The following CNOT1 variants were observed in gnomAD, a reference collection of about 807,000 sequenced individuals.
CNOT1 encodes CCR4-NOT transcription complex subunit 1.
In CNOT1, 15 loss-of-function variants were observed where a neutral mutation model predicts 273.8. That is an observed-to-expected ratio of 0.05 (90% confidence interval 0.04 to 0.08). The LOEUF (loss-of-function observed/expected upper bound fraction) is 0.08, where lower values mean the gene tolerates loss of function less well. Among genes scored for constraint, CNOT1 ranks in the 10% least tolerant of loss-of-function variants. The pLI is 1.00. For synonymous variants in CNOT1, 1,022 were observed against 1,005.5 expected (o/e 1.02, Z -0.31); for missense variants, 1,644 against 2,912.2 (o/e 0.56, Z 10.02).
intron 1 of CNOT1, among the ~76,000 whole-genome samples, chr16:58,627,761 T>C (rs1418615090): frequency 2.0e-5 from 3 of 152,166 alleles, no homozygotes; most frequent in Non-Finnish European, 4.4e-5. Context: ...CCTTAAAACT[T>C]CTAAGATTAC....
chr16:58,608,816 G>A (rs1378793809), intron 1 of CNOT1, among the ~76,000 whole-genome samples: 3 of 152,162 alleles, frequency 2.0e-5, no homozygotes, highest in Non-Finnish European at 2.9e-5. Context: ...CATTCGCAGC[G>A]ACCTGGATGA....
At position 58,613,415 on chromosome 16, in the gene CNOT1, G is replaced by A. The variant is rs1343860189; in HGVS notation, c.-174-13904C>T. Among the ~76,000 whole-genome samples, 3 of 124,458 alleles carry A rather than the reference G, an allele frequency of 2.4e-5. 1 individual carries two copies. The highest frequency in any genetic ancestry group is 8.1e-5 in the African/African-American group (3 of 37,014). 81.6% of individuals were successfully genotyped at this position (124,458 alleles called of 152,430 possible). ...ATAATTGTTTTAATACCAATTCTTG[G>A]TATCAATAAGCATCTCCACTCTCAC... On this transcript the variant is annotated intron_variant, in intron 1 of 48. Transcript: ENST00000317147.
At chr16:58,525,457 G>T in intron 45 of CNOT1, 98 bp from the exon 46 acceptor site, 1 of 993,628 alleles carries the variant, frequency 1.0e-6, no homozygotes. Flanking sequence ...TCATGGAAAG[G>T]CCAAACATTT....
At chr16:58,599,066 A>AAAAC in intron 2 of CNOT1, 170 bp downstream of exon 2, 1 of 807,118 alleles carries the variant, frequency 1.2e-6, no homozygotes, top group South Asian at 1.9e-5. Flanking sequence ...AAAAAAAAAA[A>AAAAC]AAAAGATTGG....
At chr16:58,555,087 G>T (rs2040588850) in intron 21 of CNOT1, among the ~76,000 whole-genome samples, 164 bp downstream of exon 21, 1 of 151,950 alleles carries the variant, frequency 6.6e-6, no homozygotes, top group South Asian at 2.1e-4. Context: ...ATGCACCTGT[G>T]GTCCCAGCTA....
rs1454784941 is a variant in CNOT1, at chr16:58,599,438, G to C, written c.-101C>G. The C allele has an allele frequency of 7.1e-7, 1 of 1,403,698 alleles. No homozygotes were observed. The highest frequency in any genetic ancestry group is 1.4e-5 in the African/African-American group (1 of 70,414). 87.0% of individuals were successfully genotyped at this position (1,403,698 alleles called of 1,614,324 possible). ...AGGTTAATGCTTTCTTTGTAATTAG[G>C]CTATATCTGGTATCTGTATAATATC... On this transcript the variant is annotated 5_prime_UTR_variant, in exon 2 of 49. Transcript: ENST00000317147.
At chr16:58,525,949 T>C (rs752619585) in intron 45 of CNOT1, 40 bp downstream of exon 45, 1 of 1,590,180 alleles carries the variant, frequency 6.3e-7, no homozygotes, top group Non-Finnish European at 8.6e-7. Context: ...AAGTGCTTTA[T>C]ATGGAAGACG....
chr16:58,593,605 A>G (rs2042142012), intron 2 of CNOT1, among the ~76,000 whole-genome samples: 1 of 151,482 alleles, frequency 6.6e-6, no homozygotes, highest in Admixed American at 6.6e-5. Flanking sequence ...ATGGTAGCAC[A>G]TGCCTGTAGT....
chr16:58,605,452 G>C (rs1266119319), intron 1 of CNOT1, among the ~76,000 whole-genome samples: 1 of 151,788 alleles, frequency 6.6e-6, no homozygotes, highest in Admixed American at 6.6e-5. Flanking sequence ...GAAGTGAGCT[G>C]AGATTATGCC....
chr16:58,595,984 T>C (rs2042236495), intron 2 of CNOT1, among the ~76,000 whole-genome samples: 1 of 152,218 alleles, frequency 6.6e-6, no homozygotes, highest in African/African-American at 2.4e-5. Flanking sequence ...AAAGGCAGTC[T>C]TGTGCTTTTC....
chr16:58,605,334 C>T (rs1187539342), intron 1 of CNOT1, among the ~76,000 whole-genome samples: 1 of 151,838 alleles, frequency 6.6e-6, no homozygotes, highest in Non-Finnish European at 1.5e-5. Context: ...GAAACCCTAC[C>T]TCTACTAAAA....
rs1275536726 is a variant in CNOT1, at chr16:58,532,214, C to G, written c.6059+18G>C. The stretch of plus-strand genomic sequence containing the variant: ...AATCCAGCAAACCTTAACACAAAAT[C>G]GCAAACACAATACTCACCAGAAAGC... On this transcript the variant is annotated intron_variant, in intron 41 of 48. Coordinates refer to ENST00000317147, the MANE Select transcript of CNOT1 (RefSeq NM_016284.5). 8 of 1,609,724 alleles carry G rather than the reference C, an allele frequency of 5.0e-6. No homozygotes were observed. The South Asian group carries it at 8.8e-5, about 18-fold the overall frequency.
intron 14 of CNOT1, among the ~76,000 whole-genome samples, chr16:58,575,633 T>C (rs998895977): frequency 2.6e-5 from 4 of 152,054 alleles, no homozygotes; most frequent in Non-Finnish European, 5.9e-5. Context: ...ACCCTGTCTC[T>C]ACTAAAAATA....
chr16:58,625,556 C>T (rs888855894), intron 1 of CNOT1, among the ~76,000 whole-genome samples: 1 of 151,798 alleles, frequency 6.6e-6, no homozygotes, highest in Non-Finnish European at 1.5e-5. Flanking sequence ...TGATGGCGCG[C>T]ACCTGTAATC....
intron 39 of CNOT1, among the ~76,000 whole-genome samples, chr16:58,534,979 T>C (rs928972488): frequency 1.3e-5 from 2 of 152,196 alleles, no homozygotes; most frequent in African/African-American, 2.4e-5. Flanking sequence ...GTTAAAATAA[T>C]GTGGGAAACA....
At position 58,542,480 on chromosome 16, in the gene CNOT1, T is replaced by C. The variant is rs762947627; in HGVS notation, c.4523A>G (p.Gln1508Arg). The C allele has an allele frequency of 1.2e-6, 2 of 1,608,452 alleles. No homozygotes were observed. The highest frequency in any genetic ancestry group is 1.7e-6 in the Non-Finnish European group (2 of 1,178,860). ...DNCELACCFI[Q>R]KTAVEKAGPE... is the part of the protein sequence containing the mutation. Reference sequence around the variant, plus strand: ...GCCTGCTTTTTCTACTGCAGTCTTCTGAATAAAACAGCAAGCCAACTCACA... The same window carrying C: ...GCCTGCTTTTTCTACTGCAGTCTTCCGAATAAAACAGCAAGCCAACTCACA... Residue 1508 changes from glutamine (Q) to arginine (R), a missense_variant, in exon 32 of 49, where the codon CAG (glutamine) becomes CGG (arginine). Gln to Arg is a conservative substitution (Grantham distance 43). This residue lies in a region of CNOT1 where 133 missense variants were observed against 230.4 expected (regional missense o/e 0.58). Coordinates refer to ENST00000317147, the MANE Select transcript of CNOT1 (RefSeq NM_016284.5).
chr16:58,623,562 A>C (rs2043438013), intron 1 of CNOT1, among the ~76,000 whole-genome samples: 3 of 152,248 alleles, frequency 2.0e-5, no homozygotes, highest in Non-Finnish European at 4.4e-5. Flanking sequence ...ATAAAAGCCC[A>C]TAAATGACTG....
chr16:58,614,759 G>A lies in CNOT1; in HGVS notation c.-175+14969C>T, dbSNP rs761239754. ...GGGTCTCACTCTGTCGCCCAGGATG[G>A]AGCGCAGTGGCCTGAGCTGGGCTCA... On this transcript the variant is annotated intron_variant, in intron 1 of 48. Transcript: ENST00000317147. 3.2e-5 allele frequency among the ~76,000 whole-genome samples: 4 copies of A among 125,248 alleles called. 1 individual carries two copies. The highest frequency in any genetic ancestry group is 5.7e-5 in the Non-Finnish European group (3 of 52,560). The allele number at this position is 125,248 out of a possible 152,430, so 82.2% of individuals were successfully genotyped here.
At chr16:58,536,605 A>G (rs1393482460) in intron 39 of CNOT1, among the ~76,000 whole-genome samples, 1 of 143,804 alleles carries the variant, frequency 7.0e-6, no homozygotes, top group Non-Finnish European at 1.5e-5. Context: ...TACCATTTAA[A>G]TAAGCATTTT....
Sources: allele counts gnomAD v4.1 joint callset (sites outside exome capture counted in the v4.1 genomes callset), GRCh38; gene constraint gnomAD v4.1.1; regional missense constraint gnomAD v4.1.1; transcripts MANE v1.5; gene names NCBI Gene and HGNC (gene_info 2026-07-23, HGNC 2026-07-21).